Variants in CSMD2 observed in about 807,000 individuals in gnomAD.
CSMD2 encodes the protein CUB and Sushi multiple domains 2, also known as CUB and sushi domain-containing protein 2.
CSMD2 carries 130 observed loss-of-function variants against 398.5 expected under a neutral mutation model. That is an observed-to-expected ratio of 0.33 (90% CI 0.28 to 0.38). The LOEUF is 0.38. Among genes scored for constraint, CSMD2 ranks in the 10% least tolerant of loss-of-function variants. The pLI is 1.00. For missense variants in CSMD2, 3,829 were observed against 4,764.9 expected (o/e 0.80, Z 5.78); for synonymous variants, 1,828 against 1,908.5 (o/e 0.96, Z 1.10).
intron 29 of CSMD2, among the ~76,000 whole-genome samples, chr1:33,644,025 A>G (rs1643271300): frequency 6.6e-6 from 1 of 152,184 alleles, no homozygotes; most frequent in South Asian, 2.1e-4. Context: ...TGGTACTTGC[A>G]CTACAGATCC....
intron 5 of CSMD2, among the ~76,000 whole-genome samples, chr1:33,907,612 C>G (rs909547973): frequency 1.3e-5 from 2 of 152,108 alleles, no homozygotes; most frequent in Non-Finnish European, 2.9e-5. Flanking sequence ...ATGAAGCCAC[C>G]TCATTTTGTT....
At chr1:34,042,872 C>A (rs1219801634) in intron 2 of CSMD2, among the ~76,000 whole-genome samples, 1 of 152,150 alleles carries the variant, frequency 6.6e-6, no homozygotes, top group Non-Finnish European at 1.5e-5. Flanking sequence ...TCTCCAAGCT[C>A]TGCCTCCGGG....
intron 46 of CSMD2, among the ~76,000 whole-genome samples, chr1:33,584,443 G>T (rs549533174): frequency 6.6e-6 from 1 of 152,118 alleles, no homozygotes; most frequent in Non-Finnish European, 1.5e-5. Context: ...AGGCCGGGGC[G>T]GGTGAATCAT....
At chr1:33,934,634 T>TA (rs1334779590) in intron 4 of CSMD2, among the ~76,000 whole-genome samples, 1 of 152,222 alleles carries the variant, frequency 6.6e-6, no homozygotes, top group Non-Finnish European at 1.5e-5. Flanking sequence ...GGACATACAT[T>TA]AAAATCACAG....
chr1:34,133,885 A>G (rs1299951889), intron 1 of CSMD2, among the ~76,000 whole-genome samples: 2 of 151,860 alleles, frequency 1.3e-5, no homozygotes, highest in East Asian at 3.9e-4. Context: ...CCTGGCCAAC[A>G]TGGTGAAATC....
chr1:34,093,294 C>A (rs1205473016), intron 1 of CSMD2, among the ~76,000 whole-genome samples: 1 of 152,102 alleles, frequency 6.6e-6, no homozygotes, highest in Non-Finnish European at 1.5e-5. Flanking sequence ...TAGATAAAAC[C>A]ACAAAGATGG....
chr1:33,534,443 T>A (rs1052859984), intron 62 of CSMD2, among the ~76,000 whole-genome samples: 6 of 152,176 alleles, frequency 3.9e-5, no homozygotes, highest in African/African-American at 1.2e-4. Flanking sequence ...ATGGCCCCCA[T>A]AGAATCTGTT....
chr1:33,888,392 T>C (rs1290015571), intron 5 of CSMD2, among the ~76,000 whole-genome samples: 1 of 152,076 alleles, frequency 6.6e-6, no homozygotes, highest in Non-Finnish European at 1.5e-5. Flanking sequence ...AAAATTCAAA[T>C]GATACAATTA....
intron 7 of CSMD2, among the ~76,000 whole-genome samples, chr1:33,823,308 A>C (rs769471604): frequency 5.3e-5 from 8 of 152,180 alleles, no homozygotes; most frequent in Non-Finnish European, 1.0e-4. Flanking sequence ...AGGATCTTCA[A>C]GCTTCCCCAG....
intron 25 of CSMD2, among the ~76,000 whole-genome samples, chr1:33,679,854 T>C (rs1367666220): frequency 1.3e-5 from 2 of 152,214 alleles, no homozygotes; most frequent in African/African-American, 4.8e-5. Context: ...TATTGTGGAC[T>C]ATGCATTTTA....
intron 4 of CSMD2, among the ~76,000 whole-genome samples, chr1:33,925,395 A>G (rs1644092468): frequency 6.6e-6 from 1 of 151,860 alleles, no homozygotes; most frequent in African/African-American, 2.4e-5. Flanking sequence ...ATTCTGTTTC[A>G]TTGGTCTGTG....
Position 33,788,603 on chromosome 1 carries a change from C to T in CSMD2, c.1660G>A (p.Glu554Lys), listed in dbSNP as rs1475022954. The T allele has an allele frequency of 6.3e-7, 1 of 1,593,668 alleles. No homozygotes were observed. The highest frequency in any genetic ancestry group is 2.2e-5 in the East Asian group (1 of 44,756). ...CTGGCTTGCCAAAAGCAGTTACCTT[C>T]ATAAGAAGCCTTGAATCCCAGGGAA... ...GSSLGFKASY[E>K]EIEQGSCGDP... is the part of the protein sequence containing the mutation. Residue 554 changes from glutamate (E) to lysine (K), a missense_variant, in exon 12 of 71, where the codon GAA becomes AAA. By Grantham distance (56) the Glu-to-Lys change is moderately conservative. This residue lies in a region of CSMD2 where 2,001 missense variants were observed against 2,567.1 expected (regional missense o/e 0.78). Coordinates refer to ENST00000373381, the MANE Select transcript of CSMD2 (RefSeq NM_001281956.2).
intron 44 of CSMD2, among the ~76,000 whole-genome samples, chr1:33,596,470 C>T (rs1375137669): frequency 1.3e-5 from 2 of 152,266 alleles, no homozygotes; most frequent in Middle Eastern, 3.4e-3. Flanking sequence ...TCTGTTCTCA[C>T]ACTGCTAATA....
chr1:33,602,713 C>A (rs180835458), intron 42 of CSMD2, among the ~76,000 whole-genome samples, 167 bp from the exon 43 acceptor site: 2 of 152,310 alleles, frequency 1.3e-5, no homozygotes, highest in Non-Finnish European at 2.9e-5. Context: ...CCTGGTTCTA[C>A]CCACCAGTCC....
At chr1:33,536,972 A>G in intron 62 of CSMD2, 50 bp downstream of exon 62, 1 of 1,566,196 alleles carries the variant, frequency 6.4e-7, no homozygotes, top group South Asian at 1.1e-5. Flanking sequence ...GTTGACAGTG[A>G]CAAGAAGGGA....
intron 1 of CSMD2, among the ~76,000 whole-genome samples, chr1:34,153,476 G>A (rs1039601107): frequency 6.6e-6 from 1 of 152,184 alleles, no homozygotes; most frequent in Admixed American, 6.5e-5. Flanking sequence ...GGTTGCTTCC[G>A]CCATTTGGCT....
At chr1:33,657,877 G>T in intron 27 of CSMD2, 69 bp downstream of exon 27, 1 of 1,440,644 alleles carries the variant, frequency 6.9e-7, no homozygotes, top group Non-Finnish European at 9.6e-7. Flanking sequence ...CAGCTGCTGT[G>T]CATGGAAGGT....
chr1:34,139,200 A>G (rs1017947960), intron 1 of CSMD2, among the ~76,000 whole-genome samples: 3 of 152,208 alleles, frequency 2.0e-5, no homozygotes, highest in African/African-American at 7.2e-5. Flanking sequence ...GGGGTGATTA[A>G]TCCATTCATA....
At chr1:33,817,995 A>G (rs1657667571) in intron 9 of CSMD2, among the ~76,000 whole-genome samples, 1 of 152,192 alleles carries the variant, frequency 6.6e-6, no homozygotes, top group Non-Finnish European at 1.5e-5. Flanking sequence ...TTCAGCTACA[A>G]ACTTCCCTCA....
Sources: gnomAD v4.1 joint callset for allele counts (sites outside exome capture counted in the v4.1 genomes callset) on GRCh38, gnomAD v4.1.1 for gene constraint, gnomAD v4.1.1 regional missense constraint, MANE v1.5 for transcripts, NCBI Gene and HGNC (gene_info 2026-07-23, HGNC 2026-07-21) for gene names.